Variants in KATNIP observed in about 807,000 individuals in gnomAD.
KATNIP encodes the protein katanin-interacting protein.
Under a neutral mutation model 174.0 loss-of-function variants are expected in KATNIP, and 126 were observed. The observed-to-expected ratio is 0.72, with a 90% CI of 0.63 to 0.84. The LOEUF (loss-of-function observed/expected upper bound fraction) is 0.84. KATNIP is among the 40% of genes least tolerant of loss of function. The pLI is 0.00. For synonymous variants in KATNIP, 810 were observed against 835.7 expected, an observed-to-expected ratio of 0.97 and a Z score of 0.53; for missense variants, 1,958 against 2,109.7, an observed-to-expected ratio of 0.93 and a Z score of 1.41.
intron 5 of KATNIP, among the ~76,000 whole-genome samples, chr16:27,632,885 G>T (rs1858819574): frequency 6.6e-6 from 1 of 151,978 alleles, no homozygotes. Context: ...CAAGTAGCTG[G>T]GATTACAGGT....
intron 6 of KATNIP, among the ~76,000 whole-genome samples, chr16:27,669,007 A>G (rs910668654): frequency 1.3e-5 from 2 of 152,174 alleles, no homozygotes; most frequent in African/African-American, 4.8e-5. Context: ...CCCTTCCTCA[A>G]AAAAGAAAAA....
chr16:27,645,261 C>T (rs2076925010), intron 5 of KATNIP, among the ~76,000 whole-genome samples: 1 of 152,244 alleles, frequency 6.6e-6, no homozygotes, highest in Non-Finnish European at 1.5e-5. Context: ...CAGCCGAGGG[C>T]TCACCTGCGT....
In KATNIP at chr16:27,778,552, C is replaced by G. The variant is rs202031923; in HGVS notation, c.4802-22C>G. 2.7e-4 allele frequency: 433 copies of G among 1,612,522 alleles called. 1 individual carries two copies. In the African/African-American group the frequency reaches 5.2e-3, roughly 19 times the overall value. On this transcript the variant is annotated intron_variant, in intron 27 of 27. Coordinates refer to ENST00000261588, the MANE Select transcript of KATNIP (RefSeq NM_015202.5). ...GGTTTGAGACTTAGTAACTCTGGTC[C>G]CTCTGTTCCCTGTCATGACAGCCTT...
chr16:27,567,304 A>G (rs1294037863), intron 1 of KATNIP, among the ~76,000 whole-genome samples: 1 of 152,168 alleles, frequency 6.6e-6, no homozygotes, highest in Non-Finnish European at 1.5e-5. Flanking sequence ...TAGCTTTTTG[A>G]ATAGGAAATA....
chr16:27,690,315 C>CAGAG (rs2078670864), intron 8 of KATNIP, among the ~76,000 whole-genome samples: 1 of 128,658 alleles, frequency 7.8e-6, no homozygotes, highest in Admixed American at 8.3e-5. Context: ...GACCCCATCT[C>CAGAG]AGATAGATAG....
chr16:27,680,977 G>A (rs2078315410), intron 7 of KATNIP, among the ~76,000 whole-genome samples: 1 of 152,192 alleles, frequency 6.6e-6, no homozygotes, highest in Non-Finnish European at 1.5e-5. Context: ...TTAGAGGCGT[G>A]AGCCACTGTA....
intron 3 of KATNIP, among the ~76,000 whole-genome samples, 190 bp downstream of exon 3, chr16:27,618,691 A>G (rs1046530845): frequency 1.3e-5 from 2 of 152,134 alleles, no homozygotes; most frequent in Non-Finnish European, 2.9e-5. Flanking sequence ...GCATTTTTTG[A>G]CTGAGCTGTA....
chr16:27,734,236 C>G (rs889554830), intron 14 of KATNIP, among the ~76,000 whole-genome samples: 10 of 151,890 alleles, frequency 6.6e-5, no homozygotes, highest in African/African-American at 2.4e-4. Flanking sequence ...GTGCCTGCCA[C>G]CACGCCTGGC....
intron 20 of KATNIP, among the ~76,000 whole-genome samples, chr16:27,768,643 G>A (rs1404769381): frequency 1.8e-4 from 28 of 152,172 alleles, no homozygotes; most frequent in Admixed American, 1.8e-3. Flanking sequence ...GGCCCAGGTA[G>A]GAATCCCCCT....
At position 27,708,921 on chromosome 16, in the gene KATNIP, G is replaced by A. The variant is rs761540384; in HGVS notation, c.1605+1G>A. ...CCGCCTCGTCAACAGGAACTTAGCT[G>A]TGAGTGGAAGGGGCACTGGATTGCT... On this transcript the variant is annotated splice_donor_variant, in intron 13 of 27. Transcript: ENST00000261588. LOFTEE classifies it high-confidence loss of function. 2 of 1,608,938 alleles carry A rather than the reference G, an allele frequency of 1.2e-6. No individual in the cohort carries two copies. Among genetic ancestry groups the A allele is most frequent in the South Asian group, 1.1e-5 (1 of 90,716 alleles).
At chr16:27,773,022 C>T in intron 22 of KATNIP, 77 bp from the exon 23 acceptor site, 1 of 796,508 alleles carries the variant, frequency 1.3e-6, no homozygotes, top group Non-Finnish European at 2.0e-6. Flanking sequence ...AAAACAATTC[C>T]TCTTATCTTT....
At chr16:27,603,646 C>T (rs1302824818) in intron 2 of KATNIP, among the ~76,000 whole-genome samples, 3 of 151,900 alleles carry the variant, frequency 2.0e-5, no homozygotes, top group African/African-American at 2.4e-5. Flanking sequence ...CTCACTATGA[C>T]GTTGCCCAGG....
intron 7 of KATNIP, among the ~76,000 whole-genome samples, chr16:27,679,749 CA>C (rs60190438): frequency 0.038 from 2,100 of 55,768 alleles, 31 homozygotes; most frequent in African/African-American, 0.092. Flanking sequence ...GAGACCCTCT[CA>C]AAAAAAAAAA....
rs963092833 is a variant in KATNIP, at chr16:27,778,499, C to T, written c.4802-75C>T. 7.5e-6 allele frequency: 11 copies of T among 1,469,572 alleles called. No homozygotes were observed. In the African/African-American group the frequency reaches 1.1e-4, roughly 15 times the overall value. The allele number at this position is 1,469,572 out of a possible 1,614,324, so 91.0% of individuals were successfully genotyped here. ...AATGGCAACCCAGGCTGCTGGATTTCACTGGGGAGTGTGGGGCACCCCTCC... is the reference window on the plus strand; with the variant it reads ...AATGGCAACCCAGGCTGCTGGATTTTACTGGGGAGTGTGGGGCACCCCTCC... On this transcript the variant is annotated intron_variant, in intron 27 of 27. Coordinates refer to ENST00000261588, the MANE Select transcript of KATNIP (RefSeq NM_015202.5).
chr16:27,658,136 A>G (rs1177080034), intron 6 of KATNIP, among the ~76,000 whole-genome samples: 1 of 152,214 alleles, frequency 6.6e-6, no homozygotes, highest in East Asian at 1.9e-4. Flanking sequence ...CTTACCACTC[A>G]GAGGATCTGA....
At chr16:27,567,587 G>T (rs376827040) in intron 1 of KATNIP, among the ~76,000 whole-genome samples, 2 of 152,134 alleles carry the variant, frequency 1.3e-5, no homozygotes, top group African/African-American at 4.8e-5. Context: ...GCAGTGGCAC[G>T]ATCTTGACTC....
chr16:27,679,331 C>G (rs1386602797), intron 7 of KATNIP, among the ~76,000 whole-genome samples: 2 of 152,154 alleles, frequency 1.3e-5, no homozygotes, highest in East Asian at 3.9e-4. Flanking sequence ...GTGTCCTAAT[C>G]TCCTCTTCTT....
chr16:27,696,579 G>A lies in KATNIP; in HGVS notation c.941-1749G>A, dbSNP rs144446378. Among the ~76,000 whole-genome samples the A allele has an allele frequency of 2.7e-3, 404 of 152,262 alleles. 2 individuals carry two copies. The highest frequency in any genetic ancestry group is 8.8e-3 in the African/African-American group (364 of 41,566). On this transcript the variant is annotated intron_variant, in intron 8 of 27. Transcript: ENST00000261588. ...CTCATTGTTTAGCTTATAAGTGAGA[G>A]CATGCAATATTTGGTTTTCTGTTCC... is the stretch of plus-strand genomic sequence containing the variant.
intron 2 of KATNIP, among the ~76,000 whole-genome samples, chr16:27,602,888 AG>A (rs769639582): frequency 1.3e-5 from 2 of 152,094 alleles, no homozygotes; most frequent in African/African-American, 2.4e-5. Flanking sequence ...CAGTAGAAAC[AG>A]GGTTTCGCCA....
Sources: gnomAD v4.1 joint callset for allele counts (sites outside exome capture counted in the v4.1 genomes callset) on GRCh38, gnomAD v4.1.1 for gene constraint, MANE v1.5 for transcripts, NCBI Gene and HGNC (gene_info 2026-07-23, HGNC 2026-07-21) for gene names.